The following GLYATL3 variants were observed in gnomAD, a reference collection of about 807,000 sequenced individuals.
GLYATL3 encodes the protein glycine N-acyltransferase-like protein 3.
GLYATL3 carries 31 observed loss-of-function variants against 28.5 expected under a neutral mutation model. The observed-to-expected ratio is 1.09, with a 90% CI of 0.82 to 1.47. The LOEUF is 1.47. GLYATL3 is among the 40% of genes most tolerant of loss of function. The pLI, the probability that GLYATL3 is intolerant of heterozygous loss-of-function variation, is 0.00. For missense variants in GLYATL3, 369 were observed against 351.5 expected (o/e 1.05, Z -0.40); for synonymous variants, 141 against 140.2 (o/e 1.01, Z -0.04).
At chr6:49,500,745 T>C (rs1411966908) in intron 1 of GLYATL3, among the ~76,000 whole-genome samples, 1 of 152,264 alleles carries the variant, frequency 6.6e-6, no homozygotes, top group Non-Finnish European at 1.5e-5. Flanking sequence ...ATACTGATTA[T>C]GGACAGTACT....
chr6:49,516,041 T>A (rs1769210842), intron 3 of GLYATL3, among the ~76,000 whole-genome samples: 1 of 151,234 alleles, frequency 6.6e-6, no homozygotes, highest in Admixed American at 6.6e-5. Flanking sequence ...TTGAACCGAT[T>A]CTCCTGCCTC....
At chr6:49,520,083 G>A (rs2127238147) in intron 4 of GLYATL3, among the ~76,000 whole-genome samples, 2 of 152,266 alleles carry the variant, frequency 1.3e-5, no homozygotes, top group South Asian at 4.2e-4. Context: ...TGTGGGAAAG[G>A]AGAAAATCAT....
chr6:49,515,623 A>G (rs1470237256), intron 2 of GLYATL3, 30 bp from the exon 3 acceptor site: 1 of 1,280,024 alleles, frequency 7.8e-7, no homozygotes, highest in South Asian at 1.3e-5. Flanking sequence ...TAATAGTATG[A>G]TTGGCTTGTC....
At chr6:49,505,174 C>T (rs1472649628) in intron 1 of GLYATL3, among the ~76,000 whole-genome samples, 1 of 152,108 alleles carries the variant, frequency 6.6e-6, no homozygotes, top group East Asian at 1.9e-4. Flanking sequence ...ATGATTACCA[C>T]TGGATAAAGG....
At chr6:49,524,234 A>G (rs1415351540) in intron 5 of GLYATL3, among the ~76,000 whole-genome samples, 3 of 152,234 alleles carry the variant, frequency 2.0e-5, no homozygotes, top group Non-Finnish European at 4.4e-5. Flanking sequence ...TGAAAATTCC[A>G]TTAGGCCAGC....
chr6:49,515,840 G>A (rs1769205659), intron 3 of GLYATL3, 80 bp downstream of exon 3: 2 of 794,126 alleles, frequency 2.5e-6, no homozygotes, highest in Admixed American at 2.1e-5. Flanking sequence ...TATAATCATA[G>A]TAGCCATTTA....
intron 4 of GLYATL3, among the ~76,000 whole-genome samples, chr6:49,520,341 CT>C (rs1219528680): frequency 6.6e-6 from 1 of 152,082 alleles, no homozygotes; most frequent in Non-Finnish European, 1.5e-5. Flanking sequence ...GCACTGCCTC[CT>C]TTTTTCTCAT....
rs1019421015 is a variant in GLYATL3, at chr6:49,521,771, T to C, written c.440T>C (p.Leu147Pro). The part of the protein sequence containing the change: ...PVSSLPDTSF[L>P]KGPSPRLTYL... ...TCATCTCTGCCAGATACCAGTTTCC[T>C]GTATGTAAACCAAGTTTTTGCATTT... The change falls in exon 5 of 6, where the codon CTC (leucine) becomes CCC (proline). Residue 147 changes from leucine to proline, a missense_variant and splice_region_variant. Physicochemically the swap from Leu to Pro is moderately conservative, Grantham distance 98. Transcript: ENST00000371197. 3.2e-6 allele frequency: 5 copies of C among 1,551,180 alleles called. No homozygotes were observed. The highest frequency in any genetic ancestry group is 4.4e-6 in the Non-Finnish European group (5 of 1,146,744).
At chr6:49,509,555 CTT>C (rs1269762068) in intron 1 of GLYATL3, among the ~76,000 whole-genome samples, 2 of 152,156 alleles carry the variant, frequency 1.3e-5, no homozygotes, top group Non-Finnish European at 1.5e-5. Context: ...ACTTGAAAAA[CTT>C]AGCACTAAAC....
chr6:49,525,092 CA>C (rs1047156859), intron 5 of GLYATL3, among the ~76,000 whole-genome samples: 4 of 82,766 alleles, frequency 4.8e-5, no homozygotes, highest in Admixed American at 1.5e-4. Context: ...TATTCTAAAA[CA>C]TTTTTTTTTT....
chr6:49,520,752 A>T (rs571927719), intron 4 of GLYATL3, among the ~76,000 whole-genome samples: 3 of 152,328 alleles, frequency 2.0e-5, no homozygotes, highest in Non-Finnish European at 4.4e-5. Flanking sequence ...ATGGTGGATT[A>T]TGCCTGTAAT....
intron 1 of GLYATL3, among the ~76,000 whole-genome samples, chr6:49,505,283 T>C (rs1400656062): frequency 6.6e-6 from 1 of 152,204 alleles, no homozygotes; most frequent in Non-Finnish European, 1.5e-5. Context: ...GAAAATAGAT[T>C]AGTGTCAGTA....
intron 5 of GLYATL3, among the ~76,000 whole-genome samples, chr6:49,524,303 T>G (rs891582346): frequency 6.6e-6 from 1 of 152,236 alleles, no homozygotes; most frequent in African/African-American, 2.4e-5. Flanking sequence ...GCTGATAATA[T>G]GCCTGAAATG....
intron 2 of GLYATL3, among the ~76,000 whole-genome samples, chr6:49,514,903 AAAT>A (rs762916639): frequency 6.6e-5 from 10 of 152,200 alleles, no homozygotes; most frequent in East Asian, 3.9e-4. Flanking sequence ...TACTGTCGCA[AAAT>A]AATAATAATA....
At chr6:49,505,898 A>T (rs950358323) in intron 1 of GLYATL3, among the ~76,000 whole-genome samples, 2 of 152,174 alleles carry the variant, frequency 1.3e-5, no homozygotes, top group African/African-American at 4.8e-5. Flanking sequence ...TGTAAAGGCA[A>T]ATTTGGGTCA....
At chr6:49,502,155 C>T (rs577112695) in intron 1 of GLYATL3, among the ~76,000 whole-genome samples, 2 of 152,278 alleles carry the variant, frequency 1.3e-5, no homozygotes, top group South Asian at 4.1e-4. Flanking sequence ...TTAAATGAAC[C>T]ATAGCAATCA....
At chr6:49,512,576 T>C (rs1255232575) in intron 2 of GLYATL3, among the ~76,000 whole-genome samples, 1 of 152,086 alleles carries the variant, frequency 6.6e-6, no homozygotes, top group Non-Finnish European at 1.5e-5. Context: ...AGCAGAAGGG[T>C]ATGGACTAGG....
In GLYATL3 at chr6:49,525,109, T is replaced by TA. The variant is rs1554165739; in HGVS notation, c.441-1378dup. Among the ~76,000 whole-genome samples the TA allele has an allele frequency of 1.6e-3, 241 of 151,224 alleles. 1 individual carries two copies. Among genetic ancestry groups the TA allele is most frequent in the African/African-American group, 5.5e-3 (228 of 41,188 alleles). Reference sequence around the variant, plus strand: ...TTCTAAAACATTTTTTTTTTTTTTTTATTGAGCAAAAGATTAGGGCTTCAA... The same window carrying TA: ...TTCTAAAACATTTTTTTTTTTTTTTTAATTGAGCAAAAGATTAGGGCTTCAA... On this transcript the variant is annotated intron_variant, in intron 5 of 5. Coordinates refer to ENST00000371197, the MANE Select transcript of GLYATL3 (RefSeq NM_001010904.2).
intron 1 of GLYATL3, among the ~76,000 whole-genome samples, chr6:49,506,187 A>G (rs1351137040): frequency 6.6e-6 from 1 of 152,186 alleles, no homozygotes; most frequent in Non-Finnish European, 1.5e-5. Context: ...CTAAGTACAG[A>G]AAAGGAGTGG....
Sources: gnomAD v4.1 joint callset for allele counts (sites outside exome capture counted in the v4.1 genomes callset) on GRCh38, gnomAD v4.1.1 for gene constraint, MANE v1.5 for transcripts, NCBI Gene and HGNC (gene_info 2026-07-23, HGNC 2026-07-21) for gene names.